The following CSMD1 variants were observed in gnomAD, a reference collection of about 807,000 sequenced individuals.
CSMD1 encodes CUB and sushi domain-containing protein 1.
CSMD1 carries 213 observed loss-of-function variants against 417.5 expected under a neutral mutation model. The observed-to-expected ratio is 0.51, with a 90% CI of 0.46 to 0.57. The LOEUF is 0.57. CSMD1 is among the 20% of genes least tolerant of loss of function. The probability of loss-of-function intolerance (pLI) is 0.00; values close to 1 mark genes in which losing one functional copy is unlikely to be tolerated. For missense variants in CSMD1, 6,923 were observed against 4,529.7 expected (o/e 1.53, Z -15.17); for synonymous variants, 2,862 against 1,736.8 (o/e 1.65, Z -16.11).
chr8:4,023,341 A>G (rs1344768957), intron 4 of CSMD1, among the ~76,000 whole-genome samples: 3 of 152,210 alleles, frequency 2.0e-5, no homozygotes, highest in Non-Finnish European at 4.4e-5. Context: ...GCCCATTAAT[A>G]CTGTATTAAT....
chr8:4,211,244 G>T (rs1038437805), intron 3 of CSMD1, among the ~76,000 whole-genome samples: 2 of 151,854 alleles, frequency 1.3e-5, no homozygotes, highest in Non-Finnish European at 2.9e-5. Context: ...ACCTCAGATA[G>T]GGGGAAAAGA....
In CSMD1 at chr8:4,152,628, T is replaced by C. The variant is rs367733544; in HGVS notation, c.416-120529A>G. Among the ~76,000 whole-genome samples the C allele has an allele frequency of 2.0e-5, 3 of 151,784 alleles. No individual in the cohort carries two copies. The East Asian group carries it at 5.8e-4, about 29-fold the overall frequency. On this transcript the variant is annotated intron_variant, in intron 3 of 69. Transcript: ENST00000635120. ...TCGTTTGAGCCTAGGAGGTCAAGGC[T>C]GCAATGAGTCACGATTGTGCCAGCG...
intron 1 of CSMD1, among the ~76,000 whole-genome samples, chr8:4,687,819 A>T (rs922260745): frequency 1.5e-5 from 2 of 132,628 alleles, no homozygotes; most frequent in Non-Finnish European, 3.1e-5. Flanking sequence ...AGATACACAC[A>T]AACACACATA....
rs191366175 is a variant in CSMD1, at chr8:4,233,880, G to C, written c.415+186073C>G. 1.7e-3 allele frequency among the ~76,000 whole-genome samples: 251 copies of C among 151,164 alleles called. 1 individual carries two copies. Among genetic ancestry groups the C allele is most frequent in the African/African-American group, 5.9e-3 (242 of 41,170 alleles). On this transcript the variant is annotated intron_variant, in intron 3 of 69. Coordinates refer to ENST00000635120, the MANE Select transcript of CSMD1 (RefSeq NM_033225.6). ...AATCTAATCCTGAGAATTTCAAGCG[G>C]AAGCCATATCCAGTACTTGGATGAA...
intron 3 of CSMD1, among the ~76,000 whole-genome samples, chr8:4,372,089 C>T (rs1255036068): frequency 1.3e-5 from 2 of 152,138 alleles, no homozygotes; most frequent in East Asian, 1.9e-4. Context: ...GAAGAAAAGC[C>T]CTTTCTATCT....
chr8:3,425,058 C>G (rs1813742155), intron 12 of CSMD1, among the ~76,000 whole-genome samples: 1 of 152,120 alleles, frequency 6.6e-6, no homozygotes, highest in South Asian at 2.1e-4. Flanking sequence ...CAGCCTGGTT[C>G]CAAGTCCCTG....
intron 8 of CSMD1, among the ~76,000 whole-genome samples, chr8:3,593,275 T>C (rs1800942188): frequency 6.6e-6 from 1 of 152,196 alleles, no homozygotes; most frequent in African/African-American, 2.4e-5. Context: ...TGTTCAGGAG[T>C]AATGCAGGAC....
At chr8:3,746,917 C>G (rs1797089797) in intron 6 of CSMD1, among the ~76,000 whole-genome samples, 1 of 152,234 alleles carries the variant, frequency 6.6e-6, no homozygotes, top group African/African-American at 2.4e-5. Context: ...GGTCAGGACA[C>G]TGGCCTGTCA....
intron 25 of CSMD1, among the ~76,000 whole-genome samples, chr8:3,285,797 TTGTAA>T (rs1803107146): frequency 1.3e-5 from 2 of 151,730 alleles, no homozygotes; most frequent in Admixed American, 1.3e-4. Flanking sequence ...CACTCTGAAG[TTGTAA>T]TGTAATATCC....
chr8:3,926,590 T>G (rs1178095361), intron 5 of CSMD1, among the ~76,000 whole-genome samples: 1 of 152,008 alleles, frequency 6.6e-6, no homozygotes, highest in Non-Finnish European at 1.5e-5. Flanking sequence ...TTATTTCTGG[T>G]TAATTTTATC....
At chr8:4,922,859 A>G (rs1188274569) in intron 1 of CSMD1, among the ~76,000 whole-genome samples, 1 of 152,218 alleles carries the variant, frequency 6.6e-6, no homozygotes, top group Non-Finnish European at 1.5e-5. Context: ...TCCTAGTGCT[A>G]AAGTTTTAAC....
chr8:3,992,763 A>T (rs1488024847), intron 5 of CSMD1, among the ~76,000 whole-genome samples: 1 of 152,250 alleles, frequency 6.6e-6, no homozygotes, highest in Non-Finnish European at 1.5e-5. Flanking sequence ...ACTGGGTGAC[A>T]GAAGGAGACC....
intron 43 of CSMD1, among the ~76,000 whole-genome samples, chr8:3,109,950 T>C (rs4995273): frequency 0.17 from 25,657 of 151,906 alleles, 2,217 homozygotes; most frequent in African/African-American, 0.21. Context: ...CACACAGACA[T>C]AATTCTGCCT....
At chr8:3,867,688 G>T (rs1341943540) in intron 5 of CSMD1, among the ~76,000 whole-genome samples, 1 of 152,066 alleles carries the variant, frequency 6.6e-6, no homozygotes, top group Non-Finnish European at 1.5e-5. Context: ...CTAGAACCAT[G>T]TACTACACTT....
intron 3 of CSMD1, among the ~76,000 whole-genome samples, chr8:4,060,303 AAG>A: frequency 6.6e-6 from 1 of 152,318 alleles, no homozygotes; most frequent in South Asian, 2.1e-4. Flanking sequence ...TCAGAATAAT[AAG>A]AGTTATCTAT....
intron 42 of CSMD1, 101 bp downstream of exon 42, chr8:3,118,298 T>A (rs1402370548): frequency 6.8e-5 from 56 of 818,046 alleles, no homozygotes; most frequent in Non-Finnish European, 8.5e-5. Context: ...CGAATATTTA[T>A]TGAATACATT....
intron 5 of CSMD1, among the ~76,000 whole-genome samples, chr8:3,875,843 G>A (rs1319034144): frequency 6.6e-6 from 1 of 152,192 alleles, no homozygotes; most frequent in Non-Finnish European, 1.5e-5. Context: ...ATCAATCAAG[G>A]ATTGCCTTTT....
intron 2 of CSMD1, among the ~76,000 whole-genome samples, chr8:4,577,063 C>T (rs1378178479): frequency 1.3e-5 from 2 of 151,944 alleles, no homozygotes; most frequent in Non-Finnish European, 2.9e-5. Flanking sequence ...ACGAACAGGC[C>T]AAAAATGATT....
intron 33 of CSMD1, among the ~76,000 whole-genome samples, chr8:3,198,729 C>A (rs1468891489): frequency 6.6e-6 from 1 of 152,092 alleles, no homozygotes; most frequent in African/African-American, 2.4e-5. Context: ...ACGATTGATA[C>A]ATAATATAAC....
Sources: gnomAD v4.1 joint callset for allele counts (sites outside exome capture counted in the v4.1 genomes callset) on GRCh38, gnomAD v4.1.1 for gene constraint, MANE v1.5 for transcripts, NCBI Gene and HGNC (gene_info 2026-07-23, HGNC 2026-07-21) for gene names.